The following SLC5A4 variants were observed in gnomAD, a reference collection of about 807,000 sequenced individuals.
SLC5A4 encodes the protein solute carrier family 5 member 4.
In SLC5A4, 55 loss-of-function variants were observed where a neutral mutation model predicts 70.3. The ratio of observed to expected loss-of-function variants is 0.78; its 90% CI spans 0.63 to 0.98. The LOEUF is 0.98. Ranked by LOEUF, SLC5A4 falls within the 50% of genes least tolerant of loss-of-function variation. The probability of loss-of-function intolerance (pLI) is 0.00; values close to 1 mark genes in which losing one functional copy is unlikely to be tolerated. For synonymous variants in SLC5A4, 268 were observed against 305.7 expected (o/e 0.88, Z 1.29); for missense variants, 735 against 839.2 (o/e 0.88, Z 1.53).
At chr22:32,342,633 C>G in the SLC5A4 span, among the ~76,000 whole-genome samples, 1 of 152,082 alleles carries the variant, frequency 6.6e-6, no homozygotes, top group African/African-American at 2.4e-5. Context: ...TAATTTACTT[C>G]TACTTCATAT....
the SLC5A4 span, among the ~76,000 whole-genome samples, chr22:32,275,305 T>G: frequency 6.6e-6 from 1 of 152,224 alleles, no homozygotes; most frequent in Non-Finnish European, 1.5e-5. Context: ...ACATGTGCCA[T>G]GTTGGTGTGC....
the SLC5A4 span, among the ~76,000 whole-genome samples, chr22:32,304,256 A>C: frequency 6.6e-6 from 1 of 151,956 alleles, no homozygotes; most frequent in Non-Finnish European, 1.5e-5. Context: ...CCTCCCAAAT[A>C]GCTGGGACTG....
chr22:32,310,679 G>A, the SLC5A4 span, among the ~76,000 whole-genome samples: 2 of 152,250 alleles, frequency 1.3e-5, no homozygotes, highest in Admixed American at 6.5e-5. Flanking sequence ...GAGGCCAGGG[G>A]CCTGGGTCTT....
intron 12 of SLC5A4, among the ~76,000 whole-genome samples, chr22:32,224,843 C>G (rs1348135043): frequency 6.6e-6 from 1 of 152,152 alleles, no homozygotes; most frequent in Non-Finnish European, 1.5e-5. Flanking sequence ...TACACAATTT[C>G]CAGAGCTGAT....
At chr22:32,238,007 C>A (rs144481323) in intron 6 of SLC5A4, among the ~76,000 whole-genome samples, 3 of 152,274 alleles carry the variant, frequency 2.0e-5, no homozygotes, top group African/African-American at 7.2e-5. Flanking sequence ...ACACTTATGC[C>A]AAACCCTAAC....
intron 5 of SLC5A4, among the ~76,000 whole-genome samples, chr22:32,242,381 T>C (rs562910949): frequency 2.0e-5 from 3 of 152,262 alleles, no homozygotes; most frequent in Non-Finnish European, 2.9e-5. Context: ...AGAATCCAGT[T>C]TGAGGAACTC....
At chr22:32,306,583 C>T in the SLC5A4 span, among the ~76,000 whole-genome samples, 2 of 152,134 alleles carry the variant, frequency 1.3e-5, no homozygotes, top group South Asian at 2.1e-4. Context: ...TCCTGGTTAT[C>T]AGCTCTCAGA....
chr22:32,340,831 C>T, the SLC5A4 span, among the ~76,000 whole-genome samples: 12 of 152,246 alleles, frequency 7.9e-5, 1 homozygote, highest in African/African-American at 2.6e-4. Context: ...GCAAAGGAGA[C>T]CATCGGCACG....
chr22:32,340,417 C>CAG, the SLC5A4 span, among the ~76,000 whole-genome samples: 2 of 152,300 alleles, frequency 1.3e-5, no homozygotes, highest in African/African-American at 2.4e-5. Flanking sequence ...GCTGGGGTCA[C>CAG]AGCTGAGCAC....
chr22:32,351,681 C>A, the SLC5A4 span, among the ~76,000 whole-genome samples: 2 of 120,266 alleles, frequency 1.7e-5, no homozygotes, highest in Non-Finnish European at 3.3e-5. Flanking sequence ...GCCTGGGCAA[C>A]AGAGCAAGAT....
chr22:32,253,735 A>C (rs1927302945), intron 2 of SLC5A4, among the ~76,000 whole-genome samples: 1 of 152,164 alleles, frequency 6.6e-6, no homozygotes, highest in Non-Finnish European at 1.5e-5. Flanking sequence ...GCGAGTAGGC[A>C]ACCAATGTAC....
chr22:32,266,762 G>A, the SLC5A4 span, among the ~76,000 whole-genome samples: 2 of 152,180 alleles, frequency 1.3e-5, no homozygotes, highest in African/African-American at 4.8e-5. Context: ...GTCCGTTAAC[G>A]CATATTTTGC....
At chr22:32,267,823 C>T in the SLC5A4 span, among the ~76,000 whole-genome samples, 2 of 152,318 alleles carry the variant, frequency 1.3e-5, no homozygotes, top group East Asian at 3.9e-4. Context: ...ATCAACTTCC[C>T]AAAGAAACAA....
At chr22:32,314,402 T>C in the SLC5A4 span, among the ~76,000 whole-genome samples, 2 of 152,206 alleles carry the variant, frequency 1.3e-5, no homozygotes, top group Admixed American at 6.5e-5. Context: ...TGGCATACTG[T>C]AGGGGCTTAA....
the SLC5A4 span, among the ~76,000 whole-genome samples, chr22:32,328,297 A>G: frequency 5.3e-5 from 8 of 151,934 alleles, no homozygotes; most frequent in East Asian, 1.6e-3. Flanking sequence ...AGCTACTCAC[A>G]CCCTCCTTTG....
At chr22:32,314,708 G>T in the SLC5A4 span, among the ~76,000 whole-genome samples, 1 of 152,130 alleles carries the variant, frequency 6.6e-6, no homozygotes, top group Non-Finnish European at 1.5e-5. Context: ...ATTTACAAAA[G>T]AAAGAGGCTT....
the SLC5A4 span, among the ~76,000 whole-genome samples, chr22:32,331,877 A>G: frequency 1.3e-5 from 2 of 151,766 alleles, no homozygotes; most frequent in Admixed American, 1.3e-4. Context: ...CCCCAGGCCC[A>G]TTGCAGTGGT....
chr22:32,239,586 ATATATATAAATT>A (rs1258479989), intron 5 of SLC5A4, among the ~76,000 whole-genome samples: 38,590 of 85,590 alleles, frequency 0.45, 9,936 homozygotes, highest in African/African-American at 0.54. Context: ...ATATATTTAT[ATATATATAAATT>A]ATATAAAATA....
At chr22:32,334,701 G>A in the SLC5A4 span, among the ~76,000 whole-genome samples, 4 of 152,328 alleles carry the variant, frequency 2.6e-5, no homozygotes, top group African/African-American at 7.2e-5. Context: ...TGCTGTCAAC[G>A]GTGAGATGTC....
Sources: gnomAD v4.1 joint callset for allele counts (sites outside exome capture counted in the v4.1 genomes callset) on GRCh38, gnomAD v4.1.1 for gene constraint, MANE v1.5 for transcripts, NCBI Gene and HGNC (gene_info 2026-07-23, HGNC 2026-07-21) for gene names.